The following ZMYND8 variants were observed in gnomAD, a reference collection of about 807,000 sequenced individuals.
ZMYND8 encodes the protein MYND-type zinc finger-containing chromatin reader ZMYND8.
Under a neutral mutation model 140.8 loss-of-function variants are expected in ZMYND8, and 37 were observed. That is an observed-to-expected ratio of 0.26 (90% CI 0.20 to 0.35). The LOEUF is 0.35. Ranked by LOEUF, ZMYND8 falls within the 10% of genes least tolerant of loss-of-function variation. The probability of loss-of-function intolerance (pLI) is 1.00; values close to 1 mark genes in which losing one functional copy is unlikely to be tolerated. For missense variants in ZMYND8, 1,068 were observed against 1,570.0 expected, an observed-to-expected ratio of 0.68 and a Z score of 5.40; for synonymous variants, 592 against 597.1, an observed-to-expected ratio of 0.99 and a Z score of 0.12.
Position 47,347,903 on chromosome 20 carries a change from G to C in ZMYND8, c.38C>G (p.Thr13Arg). The C allele has an allele frequency of 6.2e-7, 1 of 1,613,944 alleles. No homozygotes were observed. The highest frequency in any genetic ancestry group is 8.5e-7 in the Non-Finnish European group (1 of 1,180,014). ...CATGCCCTCTACCACCTCCTGTTCT[G>C]TTTTTATTTCCTCTTCAGCCAAGCT... ...PQSLAEEEIK[T>R]EQEVVEGMDI... The change falls in exon 2 of 23, where the codon ACA becomes AGA. Residue 13 changes from threonine to arginine, a missense_variant. Thr to Arg is a moderately conservative substitution (Grantham distance 71). Transcript: ENST00000471951.
intron 2 of ZMYND8, among the ~76,000 whole-genome samples, chr20:47,310,773 AAGCCTCCGACGTG>A (rs1410875510): frequency 6.1e-5 from 9 of 147,466 alleles, no homozygotes; most frequent in Middle Eastern, 3.5e-3. Flanking sequence ...GGGACAGGGC[AAGCCTCCGACGTG>A]AAAAAAAAAA....
chr20:47,324,728 C>T (rs2080269080), intron 2 of ZMYND8, among the ~76,000 whole-genome samples: 1 of 151,992 alleles, frequency 6.6e-6, no homozygotes, highest in South Asian at 2.1e-4. Context: ...ATGCGGCTGG[C>T]CCCTTCATCT....
chr20:47,293,016 C>T (rs1193213105), intron 5 of ZMYND8, among the ~76,000 whole-genome samples: 1 of 146,500 alleles, frequency 6.8e-6, no homozygotes, highest in Non-Finnish European at 1.5e-5. Flanking sequence ...TAAGCTATGA[C>T]TGCGCTCCAG....
chr20:47,220,133 C>CCT, intron 21 of ZMYND8, 125 bp downstream of exon 21: 1 of 868,708 alleles, frequency 1.2e-6, no homozygotes, highest in South Asian at 1.6e-5. Context: ...CCCAGGCACC[C>CCT]CTAAGGATCC....
chr20:47,298,664 T>C lies in ZMYND8; in HGVS notation c.453+65A>G. On this transcript the variant is annotated intron_variant, in intron 4 of 22. Coordinates refer to ENST00000471951, the MANE Select transcript of ZMYND8 (RefSeq NM_001281775.3). This position sits in a 1 kb window ranked among gnomAD's most constrained non-coding sequence, Gnocchi z 5.0. Reference sequence around the variant, plus strand: ...TCTGGATTATTTGTAAATTTAAAAATAAAAGGAAGAAAGAGAAAGGAGAGG... The same window carrying C: ...TCTGGATTATTTGTAAATTTAAAAACAAAAGGAAGAAAGAGAAAGGAGAGG... 1 of 1,544,342 alleles carries C rather than the reference T, an allele frequency of 6.5e-7. No homozygotes were observed.
At chr20:47,252,272 A>T (rs963041850) in intron 12 of ZMYND8, among the ~76,000 whole-genome samples, 7 of 138,116 alleles carry the variant, frequency 5.1e-5, no homozygotes, top group Non-Finnish European at 1.1e-4. Context: ...AGCCTGGGCG[A>T]CAGAGCAAGA....
At chr20:47,232,853 A>T (rs1326963716) in intron 16 of ZMYND8, among the ~76,000 whole-genome samples, 1 of 151,338 alleles carries the variant, frequency 6.6e-6, no homozygotes, top group East Asian at 1.9e-4. Context: ...TGGTGCTGTT[A>T]TGCCTTTAAC....
intron 11 of ZMYND8, among the ~76,000 whole-genome samples, chr20:47,274,468 A>G (rs1195317049): frequency 6.6e-6 from 1 of 152,210 alleles, no homozygotes; most frequent in Non-Finnish European, 1.5e-5. Flanking sequence ...CCTGAAAAGC[A>G]TGCTCTTTAT....
intron 2 of ZMYND8, among the ~76,000 whole-genome samples, chr20:47,315,302 TA>T (rs1405197627): frequency 6.6e-6 from 1 of 152,080 alleles, no homozygotes; most frequent in Non-Finnish European, 1.5e-5. Context: ...CAGCAAAACA[TA>T]AAAACCCCAA....
chr20:47,275,896 A>G (rs2076227905), intron 11 of ZMYND8, among the ~76,000 whole-genome samples: 1 of 152,232 alleles, frequency 6.6e-6, no homozygotes, highest in Admixed American at 6.5e-5. Flanking sequence ...GGCATGAGCC[A>G]CGGCGCCTGG....
chr20:47,225,608 G>GGGAATGA (rs2037605910), intron 18 of ZMYND8, among the ~76,000 whole-genome samples: 4 of 117,226 alleles, frequency 3.4e-5, no homozygotes, highest in African/African-American at 1.3e-4. Flanking sequence ...GAGGGGATGG[G>GGGAATGA]AGGGGAATGG....
intron 19 of ZMYND8, 88 bp from the exon 20 acceptor site, chr20:47,221,562 G>A: frequency 6.8e-7 from 1 of 1,462,348 alleles, no homozygotes; most frequent in South Asian, 1.4e-5. Flanking sequence ...TGCACCCAGT[G>A]GCACCCAAGG....
chr20:47,264,684 T>C (rs2075381241), intron 11 of ZMYND8, among the ~76,000 whole-genome samples: 1 of 152,218 alleles, frequency 6.6e-6, no homozygotes, highest in South Asian at 2.1e-4. Flanking sequence ...TGCTATATTA[T>C]TACTAGTCCT....
chr20:47,295,379 C>T (rs991800904), intron 4 of ZMYND8, among the ~76,000 whole-genome samples: 7 of 152,084 alleles, frequency 4.6e-5, no homozygotes, highest in Non-Finnish European at 7.4e-5. Flanking sequence ...GGTGACAGAG[C>T]GAGACCCTGT....
intron 16 of ZMYND8, among the ~76,000 whole-genome samples, chr20:47,235,559 T>C (rs1196096123): frequency 6.6e-6 from 1 of 151,918 alleles, no homozygotes; most frequent in Non-Finnish European, 1.5e-5. Flanking sequence ...ATACAAAGAT[T>C]AGCCAGGCAT....
intron 6 of ZMYND8, 55 bp from the exon 7 acceptor site, chr20:47,290,329 A>C: frequency 1.3e-6 from 2 of 1,509,548 alleles, no homozygotes; most frequent in Non-Finnish European, 1.8e-6. Flanking sequence ...AGCCACAGTC[A>C]GTGACTCTTG....
intron 12 of ZMYND8, 56 bp downstream of exon 12, chr20:47,262,232 T>C (rs754115694): frequency 9.3e-6 from 15 of 1,612,226 alleles, no homozygotes; most frequent in Non-Finnish European, 1.0e-5. Flanking sequence ...GGATACGTCA[T>C]TTGCAAAAAT....
At chr20:47,356,352 A>G (rs2083238949) in intron 1 of ZMYND8, 12 of 1,352,326 alleles carry the variant, frequency 8.9e-6, no homozygotes, top group Non-Finnish European at 1.1e-5. Flanking sequence ...AAAAAGAAGG[A>G]AAAAAAAAAG....
At chr20:47,290,380 A>G (rs1486711499) in intron 6 of ZMYND8, 106 bp from the exon 7 acceptor site, 2 of 891,936 alleles carry the variant, frequency 2.2e-6, no homozygotes, top group African/African-American at 1.7e-5. Context: ...TGCCAAATCA[A>G]TTAGTGTTCT....
Sources: allele counts gnomAD v4.1 joint callset (sites outside exome capture counted in the v4.1 genomes callset), GRCh38; gene constraint gnomAD v4.1.1; non-coding constraint Gnocchi (gnomAD v3.1); transcripts MANE v1.5; gene names NCBI Gene and HGNC (gene_info 2026-07-23, HGNC 2026-07-21).